NRG3: variants seen among roughly 807,000 people sequenced by gnomAD.
The protein encoded by NRG3 is pro-neuregulin-3, membrane-bound isoform.
Under a neutral mutation model 66.9 loss-of-function variants are expected in NRG3, and 31 were observed. That is an observed-to-expected ratio of 0.46 (90% CI 0.35 to 0.63). The LOEUF (loss-of-function observed/expected upper bound fraction) is 0.63. Ranked by LOEUF, NRG3 falls within the 20% of genes least tolerant of loss-of-function variation. The pLI, the probability that NRG3 is intolerant of heterozygous loss-of-function variation, is 0.00. For synonymous variants in NRG3, 393 were observed against 359.4 expected (o/e 1.09, Z -1.06); for missense variants, 910 against 878.9 (o/e 1.04, Z -0.45).
chr10:82,965,406 G>A (rs1010061073), intron 6 of NRG3, among the ~76,000 whole-genome samples: 1 of 152,090 alleles, frequency 6.6e-6, no homozygotes, highest in African/African-American at 2.4e-5. Flanking sequence ...AGCTTGTCTC[G>A]GAGATAGAAC....
intron 1 of NRG3, among the ~76,000 whole-genome samples, chr10:82,228,541 T>A (rs1021469564): frequency 2.0e-5 from 3 of 152,004 alleles, no homozygotes; most frequent in Admixed American, 6.6e-5. Flanking sequence ...ATTTTTTTTT[T>A]ATTGGGGATA....
intron 1 of NRG3, among the ~76,000 whole-genome samples, chr10:82,066,152 G>A (rs1399978780): frequency 6.6e-6 from 1 of 151,830 alleles, no homozygotes; most frequent in Non-Finnish European, 1.5e-5. Context: ...ATAATTTTTA[G>A]TTTCTTTATT....
At chr10:82,954,413 G>A (rs1849830146) in intron 5 of NRG3, among the ~76,000 whole-genome samples, 1 of 151,824 alleles carries the variant, frequency 6.6e-6, no homozygotes, top group Non-Finnish European at 1.5e-5. Context: ...ACTCAGTGAG[G>A]AGTCAAAGTG....
intron 4 of NRG3, among the ~76,000 whole-genome samples, chr10:82,917,583 T>C (rs1845964145): frequency 6.6e-6 from 1 of 152,116 alleles, no homozygotes; most frequent in Non-Finnish European, 1.5e-5. Flanking sequence ...CTTTCCCATT[T>C]CCCCATCCCT....
At chr10:82,567,521 C>T (rs2045484331) in intron 2 of NRG3, among the ~76,000 whole-genome samples, 1 of 151,988 alleles carries the variant, frequency 6.6e-6, no homozygotes, top group Non-Finnish European at 1.5e-5. Context: ...AGAGGCTTCT[C>T]TTGTAAATCT....
At chr10:82,645,656 G>A (rs2050878308) in intron 2 of NRG3, among the ~76,000 whole-genome samples, 1 of 152,094 alleles carries the variant, frequency 6.6e-6, no homozygotes, top group African/African-American at 2.4e-5. Context: ...TAGGATATAA[G>A]AATATGAACT....
At chr10:82,517,669 GCA>G (rs145984034) in intron 2 of NRG3, among the ~76,000 whole-genome samples, 187 of 110,238 alleles carry the variant, frequency 1.7e-3, no homozygotes, top group African/African-American at 7.2e-3. Flanking sequence ...GTGTGTGTGT[GCA>G]TGTGTGTGTG....
intron 2 of NRG3, among the ~76,000 whole-genome samples, chr10:82,623,774 G>C (rs1316408497): frequency 1.3e-5 from 2 of 152,126 alleles, no homozygotes; most frequent in Non-Finnish European, 1.5e-5. Context: ...AGTGTTCTGG[G>C]ATATATCTTT....
rs1279379442 is a variant in NRG3 at position 82,335,912 on chromosome 10, G to A, written c.824-22827G>A. On this transcript the variant is annotated intron_variant, in intron 1 of 8. Transcript: ENST00000372141. ...TTTCCCCAGTAATGTTTTATATCAA[G>A]TGTTGGTAAATTGTGTAAGGGGTCA... is the stretch of plus-strand genomic sequence containing the variant. Among the ~76,000 whole-genome samples, 6 of 152,140 alleles carry A rather than the reference G, an allele frequency of 3.9e-5. No homozygotes were observed. In the East Asian group the frequency reaches 1.2e-3, roughly 29 times the overall value.
At chr10:81,880,360 A>C (rs550476142) in intron 1 of NRG3, among the ~76,000 whole-genome samples, 1 of 152,182 alleles carries the variant, frequency 6.6e-6, no homozygotes, top group Non-Finnish European at 1.5e-5. Context: ...TTGTGAATCC[A>C]GCTACAGTTA....
chr10:82,546,754 T>A (rs1286980733), intron 2 of NRG3, among the ~76,000 whole-genome samples: 4 of 152,176 alleles, frequency 2.6e-5, no homozygotes, highest in Non-Finnish European at 4.4e-5. Flanking sequence ...CATCTCTAAC[T>A]GATTTCTAAA....
In NRG3 at chr10:82,822,378, C is replaced by T. The variant is rs1169251623; in HGVS notation, c.1028-43033C>T. On this transcript the variant is annotated intron_variant, in intron 3 of 8. Coordinates refer to ENST00000372141, the MANE Select transcript of NRG3 (RefSeq NM_001010848.4). ...GGAGAAGGGAAAGCCTCCTGAGCAG[C>T]AGCCCAGCAGGGAGAGAGGCACTAG... 3.3e-5 allele frequency among the ~76,000 whole-genome samples: 5 copies of T among 152,156 alleles called. No homozygotes were observed. In the East Asian group the frequency reaches 9.8e-4, roughly 30 times the overall value.
chr10:82,955,116 A>G (rs943266348), intron 5 of NRG3: 1 of 151,822 alleles, frequency 6.6e-6, no homozygotes, highest in Non-Finnish European at 1.5e-5. Context: ...TCTACTTCCC[A>G]TAATCACTTA....
intron 1 of NRG3, among the ~76,000 whole-genome samples, chr10:82,259,992 G>A (rs1564722247): frequency 6.6e-6 from 1 of 151,890 alleles, no homozygotes; most frequent in Non-Finnish European, 1.5e-5. Context: ...ATAAATAAAT[G>A]TTATTCAGGC....
chr10:82,674,122 G>A (rs909542376), intron 2 of NRG3, among the ~76,000 whole-genome samples: 26 of 152,078 alleles, frequency 1.7e-4, no homozygotes, highest in African/African-American at 5.8e-4. Flanking sequence ...GTGTAAACTG[G>A]GACTCTGTAT....
chr10:82,804,213 G>A (rs1023787280), intron 3 of NRG3, among the ~76,000 whole-genome samples: 3 of 152,142 alleles, frequency 2.0e-5, no homozygotes, highest in African/African-American at 7.2e-5. Flanking sequence ...GTGAAAAGGT[G>A]AAACTTCTGG....
intron 1 of NRG3, among the ~76,000 whole-genome samples, chr10:81,881,457 T>C (rs1184814341): frequency 6.6e-6 from 1 of 152,178 alleles, no homozygotes; most frequent in Non-Finnish European, 1.5e-5. Flanking sequence ...TCATTTCTTT[T>C]CCCCCATAGA....
At chr10:82,106,887 A>G (rs2067101062) in intron 1 of NRG3, among the ~76,000 whole-genome samples, 1 of 152,188 alleles carries the variant, frequency 6.6e-6, no homozygotes. Context: ...TTGCAAAAAG[A>G]GAAATGAAAA....
chr10:82,607,330 G>A (rs984907636), intron 2 of NRG3, among the ~76,000 whole-genome samples: 2 of 135,968 alleles, frequency 1.5e-5, no homozygotes, highest in Middle Eastern at 3.3e-3. Flanking sequence ...TCTTCATTAT[G>A]TAATGCTCCT....
Sources: allele counts gnomAD v4.1 joint callset (sites outside exome capture counted in the v4.1 genomes callset), GRCh38; gene constraint gnomAD v4.1.1; transcripts MANE v1.5; gene names NCBI Gene and HGNC (gene_info 2026-07-23, HGNC 2026-07-21).